TERF1: variants seen among roughly 807,000 people sequenced by gnomAD.
The protein encoded by TERF1 is telomeric repeat binding factor 1, also known as telomeric repeat-binding factor 1.
A neutral mutation model predicts 55.1 loss-of-function variants in TERF1; 20 were observed. The ratio of observed to expected loss-of-function variants is 0.36; its 90% CI spans 0.26 to 0.53. The LOEUF is 0.53. Ranked by LOEUF, TERF1 falls within the 20% of genes least tolerant of loss-of-function variation. The probability of loss-of-function intolerance (pLI) is 0.91; values close to 1 mark genes in which losing one functional copy is unlikely to be tolerated. For missense variants in TERF1, 439 were observed against 535.7 expected (o/e 0.82, Z 1.78); for synonymous variants, 168 against 181.2 (o/e 0.93, Z 0.59).
intron 8 of TERF1, chr8:73,038,624 TTAATTC>T (rs1809703339): frequency 3.9e-6 from 1 of 258,094 alleles, no homozygotes; most frequent in Admixed American, 6.5e-5. Context: ...TACTGATCTT[TTAATTC>T]TATTTGTAGA....
At chr8:73,031,675 G>C (rs1360351802) in intron 7 of TERF1, 1 of 156,136 alleles carries the variant, frequency 6.4e-6, no homozygotes, top group Non-Finnish European at 1.4e-5. Context: ...ATCCGTCTTT[G>C]GGGAAATAAA....
chr8:73,045,862 C>A, intron 9 of TERF1, 99 bp from the exon 10 acceptor site: 1 of 910,440 alleles, frequency 1.1e-6, no homozygotes, highest in Non-Finnish European at 1.6e-6. Context: ...CTTTAAGAAA[C>A]TAAGCATTAT....
chr8:73,038,796 G>A (rs533835957), intron 8 of TERF1: 11 of 944,682 alleles, frequency 1.2e-5, no homozygotes, highest in East Asian at 1.1e-4. Flanking sequence ...AAACATTATC[G>A]TAAGAAAATT....
chr8:73,038,451 C>T (rs942952328), intron 8 of TERF1, among the ~76,000 whole-genome samples: 2 of 151,594 alleles, frequency 1.3e-5, no homozygotes, highest in African/African-American at 4.8e-5. Context: ...GAGAGAGACC[C>T]TATCTCTTAA....
chr8:73,030,485 G>A lies in TERF1; in HGVS notation c.947+90G>A, dbSNP rs55699722. 1.8e-3 allele frequency: 1,383 copies of A among 773,696 alleles called. 15 individuals carry two copies. The African/African-American group carries it at 0.023, about 13-fold the overall frequency. 47.9% of individuals were successfully genotyped at this position (773,696 alleles called of 1,614,324 possible). Reference sequence around the variant, plus strand: ...CCTAATAAAAACTACCACATAAATGGTACAATTGAAAGAATATCTCAGGGT... The same window carrying A: ...CCTAATAAAAACTACCACATAAATGATACAATTGAAAGAATATCTCAGGGT... On this transcript the variant is annotated intron_variant, in intron 7 of 9. Coordinates refer to ENST00000276603, the MANE Select transcript of TERF1 (RefSeq NM_017489.3).
In TERF1 at chr8:73,013,884, T is replaced by C; in HGVS notation, c.320-11T>C. The C allele has an allele frequency of 6.3e-7, 1 of 1,582,268 alleles. No homozygotes were observed. On this transcript the variant is annotated splice_polypyrimidine_tract_variant and intron_variant, in intron 1 of 9. Transcript: ENST00000276603. ...TTGATTTTAATAAAATTTACTTTTTTTCTTTTTTAGCTATTATTCATGGAC... is the reference window on the plus strand; with the variant it reads ...TTGATTTTAATAAAATTTACTTTTTCTCTTTTTTAGCTATTATTCATGGAC...
rs1586078155 is a variant in TERF1 at position 73,047,385 on chromosome 8, A to G, written c.*1248A>G. On this transcript the variant is annotated 3_prime_UTR_variant, in exon 10 of 10. Transcript: ENST00000276603. ...CAAGATTCTCTGATACCTTCATTTA[A>G]TATATCAATATTGGGCCTAAAACAG... The G allele has an allele frequency of 6.6e-6, 1 of 152,054 alleles. No homozygotes were observed. Among genetic ancestry groups the G allele is most frequent in the Admixed American group, 6.6e-5 (1 of 15,254 alleles). The allele number at this position is 152,054 out of a possible 1,614,324, so 9.4% of individuals were successfully genotyped here.
At chr8:73,045,492 GA>G (rs1427424119) in intron 9 of TERF1, among the ~76,000 whole-genome samples, 2 of 152,080 alleles carry the variant, frequency 1.3e-5, no homozygotes, top group Non-Finnish European at 2.9e-5. Flanking sequence ...TTGTATTTTT[GA>G]AAGTCTATTT....
At chr8:73,037,705 TATATTATA>T (rs1563471876) in intron 8 of TERF1, among the ~76,000 whole-genome samples, 3 of 11,948 alleles carry the variant, frequency 2.5e-4, no homozygotes, top group African/African-American at 1.1e-3. Context: ...AGTATAATAT[TATATTATA>T]TATAATATAT....
At chr8:73,039,303 C>T (rs2129902316) in intron 9 of TERF1, 84 bp downstream of exon 9, 1 of 993,228 alleles carries the variant, frequency 1.0e-6, no homozygotes, top group Non-Finnish European at 1.4e-6. Flanking sequence ...TGTTCAACCT[C>T]CCCAAAATTT....
chr8:73,033,506 G>A (rs1334492274), intron 8 of TERF1, among the ~76,000 whole-genome samples: 1 of 152,190 alleles, frequency 6.6e-6, no homozygotes, highest in Non-Finnish European at 1.5e-5. Flanking sequence ...GAGGCAGGTG[G>A]ATTGCCTGAA....
At chr8:73,029,541 G>A (rs1025348294) in intron 6 of TERF1, among the ~76,000 whole-genome samples, 5 of 151,278 alleles carry the variant, frequency 3.3e-5, no homozygotes, top group African/African-American at 7.3e-5. Flanking sequence ...GTTTGAGCCC[G>A]GCAGGTCTGC....
At chr8:73,009,239 CGG>C in intron 1 of TERF1, 34 bp downstream of exon 1, 1 of 1,580,636 alleles carries the variant, frequency 6.3e-7, no homozygotes, top group Non-Finnish European at 8.6e-7. Flanking sequence ...CGGGACTACG[CGG>C]GGGGCGGATG....
intron 6 of TERF1, 21 bp from the exon 7 acceptor site, chr8:73,030,315 A>G (rs943317944): frequency 5.3e-6 from 8 of 1,520,622 alleles, no homozygotes; most frequent in Middle Eastern, 2.0e-4. Context: ...ACATTCTTAC[A>G]AATTTTTTCT....
At position 73,046,121 on chromosome 8, in the gene TERF1, C is replaced by T. The variant is rs1810021381; in HGVS notation, c.1304C>T (p.Ser435Leu). 6.3e-7 allele frequency: 1 copy of T among 1,596,022 alleles called. No individual in the cohort carries two copies. Among genetic ancestry groups the T allele is most frequent in the African/African-American group, 1.4e-5 (1 of 73,788 alleles). The change falls in exon 10 of 10, where the codon TCA becomes TTA. Residue 435 changes from serine (S) to leucine (L), a missense_variant. Coordinates refer to ENST00000276603, the MANE Select transcript of TERF1 (RefSeq NM_017489.3). ...RTMKKLKLIS[S>L]DSED ...ATGAAGAAACTAAAACTGATTTCCT[C>T]AGACAGCGAAGACTGATTGTGTTTG...
At chr8:73,015,355 C>G (rs920213066) in intron 2 of TERF1, among the ~76,000 whole-genome samples, 1 of 145,654 alleles carries the variant, frequency 6.9e-6, no homozygotes, top group African/African-American at 2.5e-5. Flanking sequence ...GTGGCACTGC[C>G]TAATAGAGAT....
In TERF1 at chr8:73,046,932, C is replaced by T. The variant is rs576727448; in HGVS notation, c.*795C>T. On this transcript the variant is annotated 3_prime_UTR_variant, in exon 10 of 10. Coordinates refer to ENST00000276603, the MANE Select transcript of TERF1 (RefSeq NM_017489.3). ...ATAAATGTACAGAGTAACCTATAAG[C>T]ATGACATACTTTTGCTTTCAGTAGT... 3.9e-5 allele frequency: 6 copies of T among 152,208 alleles called. No individual in the cohort carries two copies. In the East Asian group the frequency reaches 1.2e-3, roughly 29 times the overall value. 9.4% of individuals were successfully genotyped at this position (152,208 alleles called of 1,614,324 possible). A position where few individuals can be genotyped will look rare whatever the true frequency, so the allele number is the denominator to read the frequency against.
intron 6 of TERF1, among the ~76,000 whole-genome samples, chr8:73,028,041 T>C (rs1052748650): frequency 2.0e-5 from 3 of 152,200 alleles, no homozygotes; most frequent in African/African-American, 7.2e-5. Context: ...ATTTAAGAAG[T>C]AGAGATTCCA....
At chr8:73,016,461 G>A (rs1009072016) in intron 2 of TERF1, among the ~76,000 whole-genome samples, 6 of 150,540 alleles carry the variant, frequency 4.0e-5, no homozygotes, top group South Asian at 2.1e-4. Flanking sequence ...TTTAGCCAGG[G>A]TGTCTCTCTG....
Sources: gnomAD v4.1 joint callset for allele counts (sites outside exome capture counted in the v4.1 genomes callset) on GRCh38, gnomAD v4.1.1 for gene constraint, MANE v1.5 for transcripts, NCBI Gene and HGNC (gene_info 2026-07-23, HGNC 2026-07-21) for gene names.